Variants in GPR149 observed in about 807,000 individuals in gnomAD.
GPR149 encodes the protein probable G protein-coupled receptor 149.
A neutral mutation model predicts 50.2 loss-of-function variants in GPR149; 50 were observed. The ratio of observed to expected loss-of-function variants is 1.00; its 90% confidence interval spans 0.79 to 1.26. The LOEUF (loss-of-function observed/expected upper bound fraction) is 1.26, where lower values mean the gene tolerates loss of function less well. Among genes scored for constraint, GPR149 ranks in the 50% most tolerant of loss-of-function variants. The probability of loss-of-function intolerance (pLI) is 0.00; values close to 1 mark genes in which losing one functional copy is unlikely to be tolerated. For missense variants in GPR149, 983 were observed against 895.4 expected (o/e 1.10, Z -1.25); for synonymous variants, 405 against 358.2 (o/e 1.13, Z -1.48).
intron 3 of GPR149, among the ~76,000 whole-genome samples, chr3:154,364,040 C>T (rs1714475447): frequency 6.6e-6 from 1 of 152,214 alleles, no homozygotes; most frequent in Admixed American, 6.5e-5. Flanking sequence ...GTAACTCTCT[C>T]TCCCTCTCAT....
chr3:154,429,328 C>A lies in GPR149; in HGVS notation c.288G>T (p.Glu96Asp), dbSNP rs867125268. ...TIFMFLQWPNEVPGYFQFLCT... is the reference protein window; with the variant it reads ...TIFMFLQWPNDVPGYFQFLCT... The stretch of plus-strand genomic sequence containing the variant: ...ACAGAAATTGGAAGTAACCGGGGAC[C>A]TCGTTTGGCCACTGCAAAAACATGA... Residue 96 changes from glutamate to aspartate, a missense_variant, in exon 1 of 4, where the codon GAG becomes GAT. Transcript: ENST00000389740. The A allele has an allele frequency of 2.5e-6, 4 of 1,614,042 alleles. No individual in the cohort carries two copies. In the African/African-American group the frequency reaches 5.3e-5, roughly 22 times the overall value.
At chr3:154,422,864 T>G (rs959998692) in intron 2 of GPR149, among the ~76,000 whole-genome samples, 1 of 151,700 alleles carries the variant, frequency 6.6e-6, no homozygotes, top group African/African-American at 2.4e-5. Context: ...ATGTGAAAGG[T>G]GAAGGAACTA....
intron 3 of GPR149, among the ~76,000 whole-genome samples, chr3:154,391,876 A>G (rs1384809288): frequency 6.6e-6 from 1 of 151,884 alleles, no homozygotes; most frequent in African/African-American, 2.4e-5. Context: ...CTATACTTAT[A>G]TTGGACAAAA....
intron 3 of GPR149, among the ~76,000 whole-genome samples, chr3:154,369,871 G>C (rs1206362450): frequency 6.6e-6 from 1 of 152,214 alleles, no homozygotes; most frequent in Admixed American, 6.5e-5. Flanking sequence ...GCAATTTGGG[G>C]ATCTGTGGTA....
intron 3 of GPR149, among the ~76,000 whole-genome samples, chr3:154,374,326 C>T (rs1357520372): frequency 6.6e-6 from 1 of 151,916 alleles, no homozygotes; most frequent in East Asian, 1.9e-4. Flanking sequence ...AGGTGTGCTC[C>T]ATGACACCCA....
chr3:154,355,768 T>A (rs1052719323), intron 3 of GPR149, among the ~76,000 whole-genome samples: 9 of 152,200 alleles, frequency 5.9e-5, no homozygotes, highest in African/African-American at 2.2e-4. Flanking sequence ...AGGAATATCC[T>A]ACAAAAAATG....
intron 2 of GPR149, among the ~76,000 whole-genome samples, chr3:154,426,359 T>C (rs1490758748): frequency 6.6e-6 from 1 of 152,214 alleles, no homozygotes; most frequent in Non-Finnish European, 1.5e-5. Context: ...TGGCTAATTA[T>C]ATAAAATAAC....
intron 3 of GPR149, among the ~76,000 whole-genome samples, chr3:154,364,830 G>A (rs1714492475): frequency 6.6e-6 from 1 of 152,224 alleles, no homozygotes; most frequent in Non-Finnish European, 1.5e-5. Flanking sequence ...TCATGTGCCT[G>A]CAAGCTGGGA....
intron 3 of GPR149, among the ~76,000 whole-genome samples, chr3:154,411,051 A>T: frequency 6.6e-6 from 1 of 152,166 alleles, no homozygotes; most frequent in South Asian, 2.1e-4. Flanking sequence ...CCTAAAAACC[A>T]TGCAAATACA....
chr3:154,426,459 C>T (rs1384276242), intron 2 of GPR149, among the ~76,000 whole-genome samples: 2 of 152,096 alleles, frequency 1.3e-5, no homozygotes, highest in African/African-American at 4.8e-5. Flanking sequence ...TTAAATTTAA[C>T]CTTCATCTCT....
intron 3 of GPR149, among the ~76,000 whole-genome samples, chr3:154,400,607 C>G (rs1317444231): frequency 6.6e-6 from 1 of 150,500 alleles, no homozygotes; most frequent in Admixed American, 6.6e-5. Context: ...AATCCCAGAG[C>G]CTCCCCTGAT....
intron 3 of GPR149, among the ~76,000 whole-genome samples, chr3:154,372,153 T>C (rs979053329): frequency 1.3e-5 from 2 of 152,122 alleles, no homozygotes; most frequent in East Asian, 1.9e-4. Flanking sequence ...TGAGAGGAGG[T>C]TCCAGCTGGG....
intron 3 of GPR149, among the ~76,000 whole-genome samples, chr3:154,385,762 C>T (rs552085441): frequency 1.3e-4 from 19 of 150,342 alleles, no homozygotes; most frequent in Admixed American, 5.3e-4. Flanking sequence ...AGTGCAGTGG[C>T]GCCATCTTGG....
intron 3 of GPR149, among the ~76,000 whole-genome samples, chr3:154,359,085 G>T (rs1007925037): frequency 6.6e-6 from 1 of 151,960 alleles, no homozygotes; most frequent in African/African-American, 2.4e-5. Flanking sequence ...CGGGTAGTAT[G>T]CATTATTTAA....
At chr3:154,406,636 A>G in intron 3 of GPR149, among the ~76,000 whole-genome samples, 1 of 152,252 alleles carries the variant, frequency 6.6e-6, no homozygotes. Flanking sequence ...AAAGTAAAGC[A>G]TGAATCATAT....
rs946269498 is a variant in GPR149, at chr3:154,429,905, G to C, written c.-290C>G. On this transcript the variant is annotated 5_prime_UTR_variant, in exon 1 of 4. Transcript: ENST00000389740. ...AACTCCTTCCCACCATCAAGTTTCA[G>C]GGAAGAAAGCCAAAAAAATAAACAA... is the stretch of plus-strand genomic sequence containing the variant. Among the ~76,000 whole-genome samples, 5 of 151,148 alleles carry C rather than the reference G, an allele frequency of 3.3e-5. No individual in the cohort carries two copies. In the East Asian group the frequency reaches 9.7e-4, roughly 29 times the overall value.
intron 3 of GPR149, among the ~76,000 whole-genome samples, chr3:154,355,168 C>G (rs1421373865): frequency 6.6e-6 from 1 of 152,118 alleles, no homozygotes; most frequent in African/African-American, 2.4e-5. Context: ...GCTGGGATTA[C>G]AGGTCCGTGC....
At chr3:154,371,363 C>T (rs1372114763) in intron 3 of GPR149, among the ~76,000 whole-genome samples, 2 of 152,260 alleles carry the variant, frequency 1.3e-5, no homozygotes, top group East Asian at 1.9e-4. Context: ...CTAGCACCTC[C>T]CATGTCCATA....
rs1712127178 is a variant in GPR149, at chr3:154,421,021, G to T, written c.1623+18C>A. 1.3e-6 allele frequency: 2 copies of T among 1,540,934 alleles called. No individual in the cohort carries two copies. Among genetic ancestry groups the T allele is most frequent in the East Asian group, 4.5e-5 (2 of 44,344 alleles). On this transcript the variant is annotated intron_variant, in intron 3 of 3. Coordinates refer to ENST00000389740, the MANE Select transcript of GPR149 (RefSeq NM_001038705.3). ...AGTATCACTTTCAATTTAACAGCAAGAACAACTTTTACTGTACCTGACGAG... is the reference window on the plus strand; with the variant it reads ...AGTATCACTTTCAATTTAACAGCAATAACAACTTTTACTGTACCTGACGAG...
Sources: allele counts gnomAD v4.1 joint callset (sites outside exome capture counted in the v4.1 genomes callset), GRCh38; gene constraint gnomAD v4.1.1; transcripts MANE v1.5; gene names NCBI Gene and HGNC (gene_info 2026-07-23, HGNC 2026-07-21).